USP34: variants seen among roughly 807,000 people sequenced by gnomAD.
USP34 encodes ubiquitin carboxyl-terminal hydrolase 34.
USP34 carries 70 observed loss-of-function variants against 460.3 expected under a neutral mutation model. The ratio of observed to expected loss-of-function variants is 0.15; its 90% CI spans 0.13 to 0.19. The LOEUF is 0.19. Ranked by LOEUF, USP34 falls within the 10% of genes least tolerant of loss-of-function variation. USP34 has a pLI of 1.00. For missense variants in USP34, 3,985 were observed against 4,236.2 expected, an observed-to-expected ratio of 0.94 and a Z score of 1.65; for synonymous variants, 1,647 against 1,405.3, an observed-to-expected ratio of 1.17 and a Z score of -3.85.
Position 61,202,899 on chromosome 2 carries a change from A to T in USP34, c.9508+241T>A, listed in dbSNP as rs76286982. On this transcript the variant is annotated intron_variant, in intron 75 of 79. Coordinates refer to ENST00000398571, the MANE Select transcript of USP34 (RefSeq NM_014709.4). Reference sequence around the variant, plus strand: ...ATGTGGGCTTCTATGTACAGAAGTGATCAGCCCTACTCCACACTCCTTTAT... The same window carrying T: ...ATGTGGGCTTCTATGTACAGAAGTGTTCAGCCCTACTCCACACTCCTTTAT... 6.3e-4 allele frequency among the ~76,000 whole-genome samples: 96 copies of T among 152,202 alleles called. 1 individual carries two copies. In the East Asian group the frequency reaches 0.016, roughly 26 times the overall value.
rs755076021 is a variant in USP34, at chr2:61,449,304, T to C, written c.43+21346A>G. On this transcript the variant is annotated intron_variant, in intron 1 of 79. Transcript: ENST00000398571. ...CTACAAAATATTGTTTAAAGCATTA[T>C]AGACAACCTAAATAAATAGAAAGAT... 1.3e-4 allele frequency among the ~76,000 whole-genome samples: 19 copies of C among 151,550 alleles called. No individual in the cohort carries two copies. In the Middle Eastern group the frequency reaches 0.017, roughly 136 times the overall value.
intron 1 of USP34, among the ~76,000 whole-genome samples, chr2:61,446,714 A>AGAACCTGAGAGGCAGAGGTTGCAAT (rs1422599085): frequency 3.3e-5 from 5 of 151,640 alleles, no homozygotes; most frequent in African/African-American, 1.2e-4. Context: ...GAGAATCCCT[A>AGAACCTGAGAGGCAGAGGTTGCAAT]GAACCTGAGA....
intron 2 of USP34, among the ~76,000 whole-genome samples, chr2:61,414,016 G>C (rs1447891571): frequency 6.6e-6 from 1 of 151,878 alleles, no homozygotes; most frequent in Non-Finnish European, 1.5e-5. Context: ...CTAGCACTTT[G>C]GGAGGCCAAG....
At chr2:61,300,325 C>G (rs1282608101) in intron 29 of USP34, among the ~76,000 whole-genome samples, 1 of 151,946 alleles carries the variant, frequency 6.6e-6, no homozygotes, top group East Asian at 2.0e-4. Context: ...ATTCTCCTTT[C>G]TAGCTAGCAC....
chr2:61,266,191 T>A (rs146859376), intron 41 of USP34, 24 bp from the exon 42 acceptor site: 6 of 1,588,448 alleles, frequency 3.8e-6, no homozygotes, highest in Non-Finnish European at 4.3e-6. Context: ...GGAAACATGT[T>A]ATCTAAACTG....
chr2:61,304,287 G>C (rs1690333213), intron 27 of USP34, among the ~76,000 whole-genome samples: 1 of 152,194 alleles, frequency 6.6e-6, no homozygotes, highest in African/African-American at 2.4e-5. Flanking sequence ...TCTCAGTCAT[G>C]ATTAATTGCT....
At chr2:61,212,051 C>CA in intron 68 of USP34, 122 bp from the exon 69 acceptor site, 1 of 1,255,434 alleles carries the variant, frequency 8.0e-7, no homozygotes, top group South Asian at 1.6e-5. Context: ...ATTATACTTC[C>CA]ATTCAGAAAG....
At position 61,336,952 on chromosome 2, in the gene USP34, T is replaced by C. The variant is rs376614939; in HGVS notation, c.2744+2399A>G. On this transcript the variant is annotated intron_variant, in intron 18 of 79. Transcript: ENST00000398571. ...GCCTGCAATTATTTGCCTAAATCATTATATAATCTTTGAAAATAGGACCCT... is the reference window on the plus strand; with the variant it reads ...GCCTGCAATTATTTGCCTAAATCATCATATAATCTTTGAAAATAGGACCCT... Among the ~76,000 whole-genome samples, 24 of 152,280 alleles carry C rather than the reference T, an allele frequency of 1.6e-4. No individual in the cohort carries two copies. In the East Asian group the frequency reaches 3.7e-3, roughly 23 times the overall value.
intron 3 of USP34, among the ~76,000 whole-genome samples, chr2:61,404,832 A>C (rs1693821459): frequency 6.6e-6 from 1 of 152,172 alleles, no homozygotes; most frequent in Non-Finnish European, 1.5e-5. Context: ...CCTAGAAATC[A>C]ATCATATTAT....
chr2:61,265,792 C>T (rs538274789), intron 42 of USP34, 192 bp downstream of exon 42: 15 of 697,694 alleles, frequency 2.1e-5, no homozygotes, highest in South Asian at 1.3e-4. Context: ...CAGAAAAAGC[C>T]GAAGTATTTA....
At chr2:61,411,741 C>A (rs1694046163) in intron 2 of USP34, among the ~76,000 whole-genome samples, 1 of 152,154 alleles carries the variant, frequency 6.6e-6, no homozygotes, top group Non-Finnish European at 1.5e-5. Context: ...CACCATTTAA[C>A]CATCATACAG....
intron 41 of USP34, among the ~76,000 whole-genome samples, chr2:61,270,773 T>G (rs1689189788): frequency 6.6e-6 from 1 of 152,018 alleles, no homozygotes; most frequent in Non-Finnish European, 1.5e-5. Context: ...CTGAACAGAC[T>G]AAGACAATAA....
chr2:61,451,883 A>C (rs977625418), intron 1 of USP34, among the ~76,000 whole-genome samples: 2 of 151,996 alleles, frequency 1.3e-5, no homozygotes, highest in African/African-American at 2.4e-5. Flanking sequence ...CTAGAAAAAG[A>C]CTTAATTGAA....
At chr2:61,450,634 G>T (rs1324787267) in intron 1 of USP34, among the ~76,000 whole-genome samples, 1 of 151,794 alleles carries the variant, frequency 6.6e-6, no homozygotes, top group East Asian at 1.9e-4. Context: ...TAAAATAAAT[G>T]ATAAAGATGT....
Position 61,214,183 on chromosome 2 carries a change from C to T in USP34, c.8559G>A (p.Ala2853=), listed in dbSNP as rs745606425. ...AGCAGAGCCTCAGAATGCCATAGTA[C>T]GCTGGCAGCATCCCACGGTTAAAAA... ...VVLFNRGMLP[A]YYGILRLCCE... The change falls in exon 68 of 80, where the codon GCG becomes GCA. Residue 2853 remains alanine (A), a synonymous_variant. Coordinates refer to ENST00000398571, the MANE Select transcript of USP34 (RefSeq NM_014709.4). The T allele has an allele frequency of 2.5e-5, 40 of 1,614,026 alleles. No individual in the cohort carries two copies. Among genetic ancestry groups the T allele is most frequent in the Middle Eastern group, 1.6e-4 (1 of 6,084 alleles).
intron 1 of USP34, among the ~76,000 whole-genome samples, chr2:61,451,693 A>C (rs182469801): frequency 3.9e-5 from 6 of 152,064 alleles, no homozygotes; most frequent in African/African-American, 1.4e-4. Flanking sequence ...AAAAAAAAAA[A>C]CAAAAAAACA....
Position 61,380,331 on chromosome 2 carries a change from T to C in USP34, c.852A>G (p.Leu284=), listed in dbSNP as rs776316412. The C allele has an allele frequency of 1.9e-6, 3 of 1,613,322 alleles. No homozygotes were observed. The highest frequency in any genetic ancestry group is 1.7e-6 in the Non-Finnish European group (2 of 1,179,574). ...CCATGTTACGAGCTGCACTCTGTCG[T>C]AACTCCTGATCCGAGAGCTTGCATA... is the stretch of plus-strand genomic sequence containing the variant. ...RYLCKLSDQE[L]RQSAARNMAD... is the part of the protein sequence containing the mutation. The change falls in exon 7 of 80, where the codon TTA becomes TTG. Residue 284 remains leucine, a synonymous_variant. Coordinates refer to ENST00000398571, the MANE Select transcript of USP34 (RefSeq NM_014709.4).
At chr2:61,408,277 C>T (rs1010705211) in intron 2 of USP34, among the ~76,000 whole-genome samples, 4 of 152,080 alleles carry the variant, frequency 2.6e-5, no homozygotes, top group Admixed American at 1.3e-4. Context: ...CGACCCAGAA[C>T]CAAACAGCTA....
chr2:61,308,191 CAG>C (rs993235126), intron 27 of USP34, among the ~76,000 whole-genome samples: 4 of 152,028 alleles, frequency 2.6e-5, no homozygotes, highest in East Asian at 1.9e-4. Context: ...ATGGGACAAA[CAG>C]AAAATATTTA....
Sources: allele counts gnomAD v4.1 joint callset (sites outside exome capture counted in the v4.1 genomes callset), GRCh38; gene constraint gnomAD v4.1.1; transcripts MANE v1.5; gene names NCBI Gene and HGNC (gene_info 2026-07-23, HGNC 2026-07-21).